Variants in PLEKHM3 observed in about 807,000 individuals in gnomAD.
PLEKHM3 encodes the protein pleckstrin homology domain-containing family M member 3.
In PLEKHM3, 45 loss-of-function variants were observed where a neutral mutation model predicts 81.8. The ratio of observed to expected loss-of-function variants is 0.55; its 90% CI spans 0.43 to 0.71. PLEKHM3 has a LOEUF of 0.71. PLEKHM3 is among the 30% of genes least tolerant of loss of function. The pLI is 0.00. For missense variants in PLEKHM3, 788 were observed against 924.3 expected, an observed-to-expected ratio of 0.85 and a Z score of 1.91; for synonymous variants, 352 against 356.4, an observed-to-expected ratio of 0.99 and a Z score of 0.14.
chr2:207,909,343 C>T (rs924634698), intron 5 of PLEKHM3, among the ~76,000 whole-genome samples: 7 of 152,014 alleles, frequency 4.6e-5, no homozygotes, highest in Non-Finnish European at 1.0e-4. Context: ...ACAACACACA[C>T]ACAAACTAAA....
intron 2 of PLEKHM3, among the ~76,000 whole-genome samples, chr2:207,983,311 A>C (rs929820691): frequency 5.9e-5 from 9 of 152,190 alleles, no homozygotes; most frequent in Admixed American, 1.3e-4. Context: ...TCGGCCTCCC[A>C]AAGTGCTGGG....
intron 1 of PLEKHM3, among the ~76,000 whole-genome samples, chr2:208,009,065 G>T (rs952279664): frequency 2.6e-5 from 4 of 152,108 alleles, no homozygotes; most frequent in South Asian, 4.1e-4. Context: ...TGCCTACTAT[G>T]GGGGGGACAC....
chr2:207,974,429 T>A (rs1349652419), intron 3 of PLEKHM3, among the ~76,000 whole-genome samples: 1 of 152,212 alleles, frequency 6.6e-6, no homozygotes, highest in Admixed American at 6.5e-5. Flanking sequence ...GGAGGTGAAT[T>A]AGGCAATACC....
chr2:208,003,095 G>A (rs10932218), intron 1 of PLEKHM3, among the ~76,000 whole-genome samples: 99,125 of 151,936 alleles, frequency 0.65, 33,376 homozygotes, highest in Non-Finnish European at 0.74. Flanking sequence ...TAATCGAATC[G>A]TGGGGGCAGG....
intron 6 of PLEKHM3, among the ~76,000 whole-genome samples, chr2:207,902,974 AGGTAGTGTACATCT>A (rs1688489133): frequency 6.6e-6 from 1 of 152,122 alleles, no homozygotes; most frequent in Non-Finnish European, 1.5e-5. Flanking sequence ...AATTCCAGAA[AGGTAGTGTACATCT>A]GGTCACTCCT....
chr2:207,837,718 C>T (rs2092327639), intron 7 of PLEKHM3, among the ~76,000 whole-genome samples: 1 of 124,688 alleles, frequency 8.0e-6, no homozygotes, highest in Non-Finnish European at 1.6e-5. Context: ...TCCCAAAGTG[C>T]TGGGATTACA....
chr2:207,996,710 T>C lies in PLEKHM3; in HGVS notation c.610+4320A>G, dbSNP rs562468958. ...GTCTATTTCCCATTAACAAACCAGT[T>C]AATAACTATGAGAAAGTGTACCACA... On this transcript the variant is annotated intron_variant, in intron 2 of 7. Transcript: ENST00000427836. Among the ~76,000 whole-genome samples the C allele has an allele frequency of 3.9e-5, 6 of 152,260 alleles. No individual in the cohort carries two copies. In the South Asian group the frequency reaches 1.2e-3, roughly 32 times the overall value.
At chr2:208,021,553 C>T (rs938378317) in intron 1 of PLEKHM3, among the ~76,000 whole-genome samples, 4 of 152,172 alleles carry the variant, frequency 2.6e-5, no homozygotes, top group Non-Finnish European at 5.9e-5. Context: ...CAGTATTTGA[C>T]TGTACAATGT....
At chr2:208,003,525 G>T (rs1327312289) in intron 1 of PLEKHM3, among the ~76,000 whole-genome samples, 1 of 152,148 alleles carries the variant, frequency 6.6e-6, no homozygotes, top group Non-Finnish European at 1.5e-5. Flanking sequence ...GATCAAGGAG[G>T]TTTGCAGTTC....
intron 3 of PLEKHM3, among the ~76,000 whole-genome samples, chr2:207,969,017 A>G (rs949365981): frequency 6.6e-6 from 1 of 152,228 alleles, no homozygotes; most frequent in East Asian, 1.9e-4. Flanking sequence ...TGGGAGACAA[A>G]TTTGAAAATA....
At chr2:207,852,251 G>A (rs2092416932) in intron 7 of PLEKHM3, among the ~76,000 whole-genome samples, 2 of 152,086 alleles carry the variant, frequency 1.3e-5, no homozygotes, top group Non-Finnish European at 2.9e-5. Flanking sequence ...TTCAGGTTTT[G>A]GCCTTATCTC....
At chr2:207,870,990 C>A (rs187479100) in intron 6 of PLEKHM3, among the ~76,000 whole-genome samples, 96 of 152,154 alleles carry the variant, frequency 6.3e-4, no homozygotes, top group African/African-American at 2.3e-3. Flanking sequence ...CACCTGTAGT[C>A]CAAGCTACTT....
chr2:207,970,675 G>A lies in PLEKHM3; in HGVS notation c.1546+5976C>T, dbSNP rs553236360. Among the ~76,000 whole-genome samples, 118 of 152,262 alleles carry A rather than the reference G, an allele frequency of 7.7e-4. 5 individuals carry two copies. The South Asian group carries it at 0.024, about 31-fold the overall frequency. On this transcript the variant is annotated intron_variant, in intron 3 of 7. Transcript: ENST00000427836. ...CTTTCTGGCACTAATTTGTCAGGCT[G>A]AACAAAGAGGGGATTTGTACCTCCT... is the stretch of plus-strand genomic sequence containing the variant.
intron 2 of PLEKHM3, among the ~76,000 whole-genome samples, chr2:207,985,216 C>A (rs1398660498): frequency 1.3e-5 from 2 of 151,370 alleles, no homozygotes; most frequent in African/African-American, 4.9e-5. Flanking sequence ...TCCACAGTCC[C>A]CCACCTAGAT....
chr2:207,950,204 G>A (rs1052977980), intron 3 of PLEKHM3, among the ~76,000 whole-genome samples: 1 of 152,104 alleles, frequency 6.6e-6, no homozygotes, highest in Non-Finnish European at 1.5e-5. Flanking sequence ...TTAGAACCAG[G>A]CTATCCTACT....
chr2:207,933,085 A>G (rs966720902), intron 4 of PLEKHM3, among the ~76,000 whole-genome samples: 1 of 152,212 alleles, frequency 6.6e-6, no homozygotes, highest in Non-Finnish European at 1.5e-5. Flanking sequence ...GTGATCCTAT[A>G]GCATCCTGCA....
intron 3 of PLEKHM3, among the ~76,000 whole-genome samples, chr2:207,961,378 A>T (rs1359813870): frequency 1.3e-5 from 2 of 152,224 alleles, no homozygotes; most frequent in African/African-American, 4.8e-5. Context: ...TTATAGAAAA[A>T]ATATGGGTAA....
intron 6 of PLEKHM3, among the ~76,000 whole-genome samples, chr2:207,881,455 ACTC>A: frequency 6.6e-6 from 1 of 152,036 alleles, no homozygotes; most frequent in East Asian, 1.9e-4. Flanking sequence ...GGGTCTTACT[ACTC>A]CTGTTTTATA....
intron 7 of PLEKHM3, among the ~76,000 whole-genome samples, chr2:207,831,882 C>T (rs541005027): frequency 1.1e-3 from 161 of 152,342 alleles, no homozygotes; most frequent in Middle Eastern, 6.8e-3. Flanking sequence ...CTAATGATAG[C>T]TTTATCATAT....
Sources: gnomAD v4.1 joint callset for allele counts (sites outside exome capture counted in the v4.1 genomes callset) on GRCh38, gnomAD v4.1.1 for gene constraint, MANE v1.5 for transcripts, NCBI Gene and HGNC (gene_info 2026-07-23, HGNC 2026-07-21) for gene names.